The following AKAP6 variants were observed in gnomAD, a reference collection of about 807,000 sequenced individuals.
AKAP6 encodes the protein A-kinase anchor protein 6.
Under a neutral mutation model 188.5 loss-of-function variants are expected in AKAP6, and 58 were observed. The observed-to-expected ratio is 0.31, with a 90% CI of 0.25 to 0.38. The LOEUF is 0.38. Among genes scored for constraint, AKAP6 ranks in the 10% least tolerant of loss-of-function variants. The probability of loss-of-function intolerance (pLI) is 1.00; values close to 1 mark genes in which losing one functional copy is unlikely to be tolerated. For synonymous variants in AKAP6, 989 were observed against 998.6 expected (o/e 0.99, Z 0.18); for missense variants, 2,710 against 2,740.0 (o/e 0.99, Z 0.24).
chr14:32,398,814 C>G (rs1888970301), intron 1 of AKAP6, among the ~76,000 whole-genome samples: 1 of 145,632 alleles, frequency 6.9e-6, no homozygotes, highest in Admixed American at 6.8e-5. Context: ...CCCCCTCCCC[C>G]TCTCTCCCTC....
chr14:32,576,719 C>A (rs1884734798), intron 4 of AKAP6, among the ~76,000 whole-genome samples: 1 of 152,090 alleles, frequency 6.6e-6, no homozygotes, highest in Non-Finnish European at 1.5e-5. Flanking sequence ...AATGCCAATC[C>A]CTGTAAAGGA....
At chr14:32,758,263 A>G (rs572301575) in intron 11 of AKAP6, among the ~76,000 whole-genome samples, 46 of 152,208 alleles carry the variant, frequency 3.0e-4, no homozygotes, top group African/African-American at 1.1e-3. Context: ...CTCACCCAGG[A>G]TCACACAGTC....
intron 12 of AKAP6, among the ~76,000 whole-genome samples, chr14:32,775,484 G>T (rs527450559): frequency 1.3e-5 from 2 of 150,958 alleles, no homozygotes; most frequent in Non-Finnish European, 2.9e-5. Flanking sequence ...CCAGACTGGG[G>T]TACAGTGGCC....
chr14:32,575,245 G>C (rs1884664597), intron 4 of AKAP6, among the ~76,000 whole-genome samples: 1 of 152,160 alleles, frequency 6.6e-6, no homozygotes, highest in Non-Finnish European at 1.5e-5. Flanking sequence ...GAAGATAGGA[G>C]AAGGGGCAAA....
chr14:32,526,925 C>T (rs1882160398), intron 2 of AKAP6, among the ~76,000 whole-genome samples: 1 of 152,178 alleles, frequency 6.6e-6, no homozygotes, highest in African/African-American at 2.4e-5. Context: ...TAGGGTGGTA[C>T]ATTTGTTACA....
intron 2 of AKAP6, among the ~76,000 whole-genome samples, chr14:32,482,744 A>G (rs1329507860): frequency 1.3e-5 from 2 of 152,230 alleles, no homozygotes; most frequent in African/African-American, 4.8e-5. Context: ...CTTTTAATAT[A>G]ACAATACAAC....
At chr14:32,678,269 T>C in intron 7 of AKAP6, 42 bp from the exon 8 acceptor site, 1 of 1,579,774 alleles carries the variant, frequency 6.3e-7, no homozygotes, top group South Asian at 1.1e-5. Context: ...AATGCATTCC[T>C]TCTGGATTAA....
At chr14:32,723,373 C>T (rs561782957) in intron 9 of AKAP6, among the ~76,000 whole-genome samples, 44 of 152,094 alleles carry the variant, frequency 2.9e-4, no homozygotes, top group Non-Finnish European at 5.4e-4. Context: ...TTAGATTTAA[C>T]TCATTATGGC....
chr14:32,617,316 G>T (rs1426643605), intron 7 of AKAP6, among the ~76,000 whole-genome samples: 1 of 151,606 alleles, frequency 6.6e-6, no homozygotes, highest in Non-Finnish European at 1.5e-5. Flanking sequence ...CCATTATCAG[G>T]GTTTATCTCG....
intron 7 of AKAP6, among the ~76,000 whole-genome samples, chr14:32,665,073 A>G (rs1184302612): frequency 3.3e-5 from 5 of 152,092 alleles, no homozygotes; most frequent in African/African-American, 9.7e-5. Context: ...CTCTCACACC[A>G]CAATAATCAT....
rs1329115156 is a variant in AKAP6, at chr14:32,581,786, A to G, written c.2469+4544A>G. ...TCTCTTTTGATCTTTGTTGGTTTAA[A>G]GTCTGTTTTATCAGAGACTAGGATT... On this transcript the variant is annotated intron_variant, in intron 5 of 13. Transcript: ENST00000280979. Among the ~76,000 whole-genome samples the G allele has an allele frequency of 3.3e-5, 5 of 152,172 alleles. No homozygotes were observed. The East Asian group carries it at 7.7e-4, about 24-fold the overall frequency.
Position 32,544,100 on chromosome 14 carries a change from A to C in AKAP6, c.577-1130A>C, listed in dbSNP as rs141588583. Among the ~76,000 whole-genome samples, 9 of 152,350 alleles carry C rather than the reference A, an allele frequency of 5.9e-5. No homozygotes were observed. In the East Asian group the frequency reaches 1.7e-3, roughly 29 times the overall value. On this transcript the variant is annotated intron_variant, in intron 3 of 13. Transcript: ENST00000280979. ...CCAGATATAAGATCCTGGAGAAGCC[A>C]GATCTGGGAAAACCTGGTTGAAAGG...
At chr14:32,590,183 G>A (rs541446252) in intron 5 of AKAP6, among the ~76,000 whole-genome samples, 37 of 152,178 alleles carry the variant, frequency 2.4e-4, no homozygotes, top group African/African-American at 8.4e-4. Context: ...AGAACATTTG[G>A]TGTGAGAAGC....
At chr14:32,537,695 A>G (rs1302209285) in intron 3 of AKAP6, among the ~76,000 whole-genome samples, 1 of 152,224 alleles carries the variant, frequency 6.6e-6, no homozygotes, top group East Asian at 1.9e-4. Context: ...TATTTATTAA[A>G]TCAATAAACA....
chr14:32,486,030 G>T (rs1464503339), intron 2 of AKAP6, among the ~76,000 whole-genome samples: 1 of 152,094 alleles, frequency 6.6e-6, no homozygotes, highest in African/African-American at 2.4e-5. Context: ...TCAGTTTTCT[G>T]CATATGGCTA....
chr14:32,561,260 T>A (rs1883944836), intron 4 of AKAP6, among the ~76,000 whole-genome samples: 1 of 152,202 alleles, frequency 6.6e-6, no homozygotes, highest in East Asian at 1.9e-4. Context: ...ATTATTATTG[T>A]GACTTTTCCT....
At chr14:32,353,586 T>C (rs932240417) in intron 1 of AKAP6, among the ~76,000 whole-genome samples, 1 of 151,956 alleles carries the variant, frequency 6.6e-6, no homozygotes, top group African/African-American at 2.4e-5. Flanking sequence ...CTATTCAACA[T>C]AGTGTTGGAA....
chr14:32,369,542 A>G (rs1594548450), intron 1 of AKAP6, among the ~76,000 whole-genome samples: 1 of 152,364 alleles, frequency 6.6e-6, no homozygotes, highest in East Asian at 1.9e-4. Flanking sequence ...CACAGTGATC[A>G]TCCTTTTGAT....
chr14:32,559,973 G>T (rs570629353), intron 4 of AKAP6, among the ~76,000 whole-genome samples: 6 of 152,054 alleles, frequency 3.9e-5, no homozygotes, highest in Admixed American at 3.3e-4. Context: ...ATTATAAAGG[G>T]CAAATTGATA....
Sources: allele counts gnomAD v4.1 joint callset (sites outside exome capture counted in the v4.1 genomes callset), GRCh38; gene constraint gnomAD v4.1.1; transcripts MANE v1.5; gene names NCBI Gene and HGNC (gene_info 2026-07-23, HGNC 2026-07-21).